The following CCDC57 variants were observed in gnomAD, a reference collection of about 807,000 sequenced individuals.
CCDC57 encodes coiled-coil domain containing 57.
CCDC57 carries 118 observed loss-of-function variants against 118.9 expected under a neutral mutation model. The ratio of observed to expected loss-of-function variants is 0.99; its 90% confidence interval spans 0.86 to 1.16. The LOEUF (loss-of-function observed/expected upper bound fraction) is 1.16, where lower values mean the gene tolerates loss of function less well. Among genes scored for constraint, CCDC57 ranks in the 50% most tolerant of loss-of-function variants. The pLI is 0.00. For missense variants in CCDC57, 1,300 were observed against 1,320.7 expected (o/e 0.98, Z 0.24); for synonymous variants, 527 against 532.9 (o/e 0.99, Z 0.15).
chr17:82,107,570 T>C (rs1428800278), intron 19 of CCDC57: 3 of 470,944 alleles, frequency 6.4e-6, no homozygotes, highest in Non-Finnish European at 1.3e-5. Context: ...CTCGGCACAC[T>C]GTGAGGATGG....
intron 17 of CCDC57, among the ~76,000 whole-genome samples, chr17:82,129,375 G>A (rs1568193132): frequency 2.6e-5 from 4 of 152,208 alleles, no homozygotes. Context: ...AAAACAGAAA[G>A]GGAAATTCAA....
At chr17:82,195,843 A>G (rs2146783586) in intron 4 of CCDC57, among the ~76,000 whole-genome samples, 1 of 152,156 alleles carries the variant, frequency 6.6e-6, no homozygotes, top group East Asian at 1.9e-4. Flanking sequence ...GAGCCCACAC[A>G]GGATCGGACT....
At chr17:82,206,975 C>T (rs2049735126) in intron 2 of CCDC57, among the ~76,000 whole-genome samples, 1 of 152,182 alleles carries the variant, frequency 6.6e-6, no homozygotes, top group South Asian at 2.1e-4. Context: ...ACAGCCCTTT[C>T]CCGAAACAAA....
At chr17:82,167,721 T>C (rs1362624308) in intron 13 of CCDC57, among the ~76,000 whole-genome samples, 1 of 152,056 alleles carries the variant, frequency 6.6e-6, no homozygotes, top group Non-Finnish European at 1.5e-5. Flanking sequence ...CCTCAAGTGA[T>C]CCACCCACCT....
At chr17:82,150,943 A>T (rs182709139) in intron 16 of CCDC57, among the ~76,000 whole-genome samples, 954 of 30,782 alleles carry the variant, frequency 0.031, 51 homozygotes, top group Non-Finnish European at 0.042. Context: ...ACCCAGAACC[A>T]GGCGCACACC....
At chr17:82,125,359 G>T (rs2037274613) in intron 19 of CCDC57, among the ~76,000 whole-genome samples, 1 of 151,764 alleles carries the variant, frequency 6.6e-6, no homozygotes, top group Admixed American at 6.6e-5. Flanking sequence ...GCAACATAGG[G>T]AGACACCATC....
At chr17:82,166,180 T>C (rs538490300) in intron 13 of CCDC57, among the ~76,000 whole-genome samples, 161 of 151,658 alleles carry the variant, frequency 1.1e-3, no homozygotes, top group Middle Eastern at 3.4e-3. Flanking sequence ...GTGAATGAAA[T>C]AGACAACACC....
intron 11 of CCDC57, among the ~76,000 whole-genome samples, chr17:82,178,149 C>T (rs919186009): frequency 2.0e-5 from 3 of 152,162 alleles, no homozygotes; most frequent in Admixed American, 1.3e-4. Context: ...AAATCAGGAG[C>T]GGTGATGACA....
chr17:82,198,248 T>G, intron 4 of CCDC57, 66 bp downstream of exon 3: 1 of 942,690 alleles, frequency 1.1e-6, no homozygotes. Flanking sequence ...CAGCCCTATA[T>G]GATTTCAGTT....
intron 17 of CCDC57, among the ~76,000 whole-genome samples, chr17:82,133,581 C>T (rs1185062591): frequency 2.0e-5 from 3 of 150,456 alleles, no homozygotes; most frequent in African/African-American, 7.3e-5. Context: ...AAAATGGGGG[C>T]TGGGCGCGGT....
At chr17:82,202,565 C>T (rs1374990650) in intron 2 of CCDC57, among the ~76,000 whole-genome samples, 1 of 151,856 alleles carries the variant, frequency 6.6e-6, no homozygotes, top group Non-Finnish European at 1.5e-5. Context: ...GCCTGGCCAA[C>T]ATGGTGAAAC....
intron 13 of CCDC57, 38 bp downstream of exon 12, chr17:82,171,663 A>C: frequency 1.9e-6 from 3 of 1,592,810 alleles, no homozygotes; most frequent in Non-Finnish European, 2.6e-6. Flanking sequence ...TTCAGTTTAT[A>C]AGGGGACAGC....
intron 11 of CCDC57, among the ~76,000 whole-genome samples, chr17:82,174,240 G>A (rs1473900674): frequency 6.6e-6 from 1 of 152,220 alleles, no homozygotes; most frequent in East Asian, 1.9e-4. Context: ...CGTGCTCCCT[G>A]GCAAGGCCAG....
At chr17:82,206,621 G>A (rs2049683444) in intron 2 of CCDC57, among the ~76,000 whole-genome samples, 1 of 152,122 alleles carries the variant, frequency 6.6e-6, no homozygotes, top group Admixed American at 6.5e-5. Flanking sequence ...CTCCTCATCT[G>A]TATCCTCTGT....
intron 13 of CCDC57, among the ~76,000 whole-genome samples, chr17:82,165,394 C>A (rs975716318): frequency 3.3e-5 from 5 of 152,018 alleles, no homozygotes; most frequent in Admixed American, 1.3e-4. Flanking sequence ...TGTCTAGGGG[C>A]CTCGGATCCC....
intron 19 of CCDC57, among the ~76,000 whole-genome samples, chr17:82,102,179 C>T (rs2034495817): frequency 6.6e-6 from 1 of 152,110 alleles, no homozygotes; most frequent in Non-Finnish European, 1.5e-5. Flanking sequence ...CAGGAGGGGG[C>T]AGGGGTGCTG....
At chr17:82,128,689 C>CATTT in intron 17 of CCDC57, 92 bp from the exon 17 acceptor site, 9 of 998,924 alleles carry the variant, frequency 9.0e-6, no homozygotes, top group Non-Finnish European at 1.4e-5. Context: ...GGAAGAAATG[C>CATTT]CTTCCCACAT....
exon 11 of CCDC57, chr17:82,178,534 C>T (rs1382390500): frequency 1.9e-6 from 3 of 1,613,814 alleles, no homozygotes; most frequent in Non-Finnish European, 1.7e-6. Context: ...GGTCTCGTTC[C>T]AGGGTCACGG....
At chr17:82,136,446 G>A (rs1321819958) in intron 16 of CCDC57, among the ~76,000 whole-genome samples, 2 of 152,066 alleles carry the variant, frequency 1.3e-5, no homozygotes, top group East Asian at 3.9e-4. Context: ...TGAGTGTGGG[G>A]TTTCCTCTGA....
Sources: gnomAD v4.1 joint callset for allele counts (sites outside exome capture counted in the v4.1 genomes callset) on GRCh38, gnomAD v4.1.1 for gene constraint, MANE v1.5 for transcripts, NCBI Gene and HGNC (gene_info 2026-07-23, HGNC 2026-07-21) for gene names.